The following CSTPP1 variants were observed in gnomAD, a reference collection of about 807,000 sequenced individuals.
CSTPP1 encodes the protein centriolar satellite-associated tubulin polyglutamylase complex regulator 1.
the CSTPP1 span, chr11:47,161,469 CCCAGGTCCCAGG>C: frequency 1.2e-6 from 2 of 1,613,818 alleles, no homozygotes; most frequent in South Asian, 2.2e-5. Flanking sequence ...TTCAGGCTGG[CCCAGGTCCCAGG>C]CCTGGTCAAC....
chr11:46,959,223 T>C, the CSTPP1 span, among the ~76,000 whole-genome samples: 3 of 151,610 alleles, frequency 2.0e-5, no homozygotes, highest in African/African-American at 7.2e-5. Flanking sequence ...TGCATGTGAA[T>C]GTCGTCTACA....
At chr11:47,009,457 AG>A in the CSTPP1 span, among the ~76,000 whole-genome samples, 1 of 152,200 alleles carries the variant, frequency 6.6e-6, no homozygotes, top group Non-Finnish European at 1.5e-5. Flanking sequence ...ATATATAATG[AG>A]GATAGGGCCA....
At chr11:47,095,131 TC>T in the CSTPP1 span, among the ~76,000 whole-genome samples, 1 of 152,214 alleles carries the variant, frequency 6.6e-6, no homozygotes, top group African/African-American at 2.4e-5. Flanking sequence ...AATCATTGCA[TC>T]TTTTTCCTGA....
At chr11:47,109,124 C>T in the CSTPP1 span, 12 of 152,198 alleles carry the variant, frequency 7.9e-5, no homozygotes, top group African/African-American at 2.9e-4. Flanking sequence ...ACTTTGGCTT[C>T]TTTCACTGAA....
chr11:47,130,040 C>T, the CSTPP1 span, among the ~76,000 whole-genome samples: 4 of 152,070 alleles, frequency 2.6e-5, no homozygotes, highest in Non-Finnish European at 4.4e-5. Context: ...GGGCGGACCA[C>T]GAGGTCAAGA....
chr11:47,059,794 T>C, the CSTPP1 span, among the ~76,000 whole-genome samples: 1 of 152,176 alleles, frequency 6.6e-6, no homozygotes, highest in African/African-American at 2.4e-5. Context: ...ATGATTACTA[T>C]CCTGTTTTAT....
chr11:47,018,833 A>G, the CSTPP1 span, among the ~76,000 whole-genome samples: 1 of 152,164 alleles, frequency 6.6e-6, no homozygotes, highest in Admixed American at 6.5e-5. Flanking sequence ...CTCTTTGGTG[A>G]AGTGTCTGTT....
At chr11:46,983,325 T>A in the CSTPP1 span, among the ~76,000 whole-genome samples, 3 of 152,204 alleles carry the variant, frequency 2.0e-5, no homozygotes, top group Non-Finnish European at 4.4e-5. Flanking sequence ...AGTGTTTACT[T>A]ACATTTGCCT....
the CSTPP1 span, among the ~76,000 whole-genome samples, chr11:47,124,312 C>T: frequency 2.0e-5 from 3 of 151,214 alleles, no homozygotes; most frequent in East Asian, 2.0e-4. Context: ...TTAGTAGAGA[C>T]GGGGTTTCAC....
chr11:46,957,019 T>C, the CSTPP1 span, among the ~76,000 whole-genome samples: 5 of 152,106 alleles, frequency 3.3e-5, no homozygotes, highest in African/African-American at 1.2e-4. Flanking sequence ...TTTTTTCATT[T>C]TCCTGCAATT....
the CSTPP1 span, among the ~76,000 whole-genome samples, chr11:47,095,336 G>A: frequency 6.6e-6 from 1 of 152,104 alleles, no homozygotes. Context: ...GTTCCTACAG[G>A]TTTCCTTTTT....
At chr11:46,978,990 G>A in the CSTPP1 span, among the ~76,000 whole-genome samples, 1 of 152,162 alleles carries the variant, frequency 6.6e-6, no homozygotes, top group African/African-American at 2.4e-5. Context: ...TGATTAAGCT[G>A]TTGTATTAGT....
At chr11:46,988,580 G>T in the CSTPP1 span, among the ~76,000 whole-genome samples, 2 of 149,576 alleles carry the variant, frequency 1.3e-5, no homozygotes, top group Non-Finnish European at 3.0e-5. Flanking sequence ...GTAGCAGGGG[G>T]CTGGGGGAAG....
At chr11:47,052,278 A>C in the CSTPP1 span, 2 of 1,358,654 alleles carry the variant, frequency 1.5e-6, no homozygotes, top group Admixed American at 4.6e-5. Context: ...TTTGTTGGGG[A>C]GAAAAATTCC....
chr11:47,144,378 C>T, the CSTPP1 span, among the ~76,000 whole-genome samples: 5 of 151,900 alleles, frequency 3.3e-5, no homozygotes, highest in South Asian at 8.3e-4. Context: ...GTAGTAGAGA[C>T]GGGGTTTCAC....
chr11:47,147,213 A>C, the CSTPP1 span, among the ~76,000 whole-genome samples: 324 of 152,352 alleles, frequency 2.1e-3, no homozygotes, highest in African/African-American at 7.5e-3. Flanking sequence ...TATTCTCTGT[A>C]GTTTTCTGAG....
the CSTPP1 span, among the ~76,000 whole-genome samples, chr11:47,038,584 G>A: frequency 2.9e-5 from 3 of 104,126 alleles, no homozygotes; most frequent in South Asian, 3.3e-4. Flanking sequence ...GCGGGGGGCT[G>A]ATCCCCCCAC....
At chr11:47,073,328 A>G in the CSTPP1 span, among the ~76,000 whole-genome samples, 1 of 152,124 alleles carries the variant, frequency 6.6e-6, no homozygotes, top group Admixed American at 6.6e-5. Context: ...GTCGGGATGT[A>G]TGGTTCAAAA....
At chr11:47,006,076 T>TA in the CSTPP1 span, among the ~76,000 whole-genome samples, 18 of 152,180 alleles carry the variant, frequency 1.2e-4, no homozygotes, top group Non-Finnish European at 2.5e-4. Context: ...ACATAAAGTT[T>TA]AAAAAAATCT....
Sources: gnomAD v4.1 joint callset for allele counts (sites outside exome capture counted in the v4.1 genomes callset) on GRCh38, gnomAD v4.1.1 for gene constraint, MANE v1.5 for transcripts, NCBI Gene and HGNC (gene_info 2026-07-23, HGNC 2026-07-21) for gene names.